The following HP1BP3 variants were observed in gnomAD, a reference collection of about 807,000 sequenced individuals.
The protein encoded by HP1BP3 is heterochromatin protein 1 binding protein 3.
A neutral mutation model predicts 62.5 loss-of-function variants in HP1BP3; 12 were observed. That is an observed-to-expected ratio of 0.19 (90% CI 0.12 to 0.31). HP1BP3 has a LOEUF of 0.31. HP1BP3 is among the 10% of genes least tolerant of loss of function. The pLI, the probability that HP1BP3 is intolerant of heterozygous loss-of-function variation, is 1.00. For missense variants in HP1BP3, 502 were observed against 651.8 expected, an observed-to-expected ratio of 0.77 and a Z score of 2.50; for synonymous variants, 260 against 237.8, an observed-to-expected ratio of 1.09 and a Z score of -0.86.
At chr1:20,779,731 T>A in intron 3 of HP1BP3, 81 bp downstream of exon 3, 7 of 751,522 alleles carry the variant, frequency 9.3e-6, no homozygotes, top group East Asian at 3.2e-5. Context: ...AAAAAACAAT[T>A]AAGTTCAAAG....
At chr1:20,761,546 AT>A (rs2056483219) in intron 8 of HP1BP3, among the ~76,000 whole-genome samples, 1 of 178 alleles carries the variant, frequency 5.6e-3, no homozygotes, top group Non-Finnish European at 0.12. Flanking sequence ...GGATCATTAA[AT>A]GTTTTCAACA....
intron 9 of HP1BP3, chr1:20,750,322 AACACACAC>A (rs67464129): frequency 0.037 from 5,197 of 138,854 alleles, 156 homozygotes; most frequent in East Asian, 0.066. Context: ...CTCTACTAAA[AACACACAC>A]ACACACACAC....
At chr1:20,769,144 C>T (rs912138500) in intron 6 of HP1BP3, among the ~76,000 whole-genome samples, 2 of 152,168 alleles carry the variant, frequency 1.3e-5, no homozygotes, top group Non-Finnish European at 2.9e-5. Flanking sequence ...TGCTGGAGTG[C>T]AGTGGCACAA....
rs1432073051 is a variant in HP1BP3 at position 20,779,939 on chromosome 1, C to T, written c.97-28G>A. ...AAGAAAAGAGATGGCCATAATCAAA[C>T]ATGCATTAAAAAATTCTCTTTTCTC... On this transcript the variant is annotated intron_variant, in intron 2 of 12. Coordinates refer to ENST00000438032, the MANE Select transcript of HP1BP3 (RefSeq NM_001372052.1). 3.2e-6 allele frequency: 5 copies of T among 1,558,366 alleles called. No individual in the cohort carries two copies. The African/African-American group carries it at 4.1e-5, about 13-fold the overall frequency.
At chr1:20,773,092 T>TA (rs1307681996) in intron 5 of HP1BP3, among the ~76,000 whole-genome samples, 1 of 152,196 alleles carries the variant, frequency 6.6e-6, no homozygotes, top group Non-Finnish European at 1.5e-5. Context: ...TTGCTAGCCT[T>TA]AGTTAATTCA....
intron 3 of HP1BP3, among the ~76,000 whole-genome samples, chr1:20,779,128 T>G (rs1217978546): frequency 6.6e-6 from 1 of 151,934 alleles, no homozygotes; most frequent in Non-Finnish European, 1.5e-5. Context: ...AATAATTGAT[T>G]CTAACAGCCA....
chr1:20,775,057 TTA>T (rs1313166608), intron 4 of HP1BP3: 1 of 151,932 alleles, frequency 6.6e-6, no homozygotes, highest in Non-Finnish European at 1.5e-5. Flanking sequence ...TGCTACTAGT[TTA>T]TGTGTTTACT....
chr1:20,771,125 C>T (rs2057038844), intron 5 of HP1BP3, 52 bp from the exon 6 acceptor site: 2 of 1,370,130 alleles, frequency 1.5e-6, no homozygotes, highest in African/African-American at 1.5e-5. Flanking sequence ...TAGAGCCTGA[C>T]ATATATTTTC....
rs971278703 is a variant in HP1BP3 at position 20,740,836 on chromosome 1, G to A, written c.*3961C>T. ...CATCTCAAAAAAATAATAAGTAAAA[G>A]AATATAGTTATAAAGACGGTAGAGA... On this transcript the variant is annotated 3_prime_UTR_variant, in exon 13 of 13. Coordinates refer to ENST00000438032, the MANE Select transcript of HP1BP3 (RefSeq NM_001372052.1). Among the ~76,000 whole-genome samples the A allele has an allele frequency of 6.6e-6, 1 of 152,196 alleles. No individual in the cohort carries two copies. The highest frequency in any genetic ancestry group is 2.4e-5 in the African/African-American group (1 of 41,458).
intron 8 of HP1BP3, among the ~76,000 whole-genome samples, chr1:20,758,758 G>A (rs931264474): frequency 1.6e-4 from 24 of 150,994 alleles, no homozygotes; most frequent in African/African-American, 4.9e-4. Context: ...CAACCCTTCC[G>A]CTGCTTCAGC....
intron 9 of HP1BP3, 81 bp from the exon 10 acceptor site, chr1:20,749,963 T>G: frequency 6.5e-7 from 1 of 1,534,716 alleles, no homozygotes; most frequent in South Asian, 1.3e-5. Flanking sequence ...CTGCACCAGG[T>G]GGGTCGGAGT....
intron 1 of HP1BP3, among the ~76,000 whole-genome samples, chr1:20,782,032 T>C (rs1029483819): frequency 3.9e-5 from 6 of 152,200 alleles, no homozygotes; most frequent in African/African-American, 9.6e-5. Context: ...CTTAGTAAAG[T>C]TATATTGCTA....
At chr1:20,767,940 C>G (rs3014581) in intron 6 of HP1BP3, among the ~76,000 whole-genome samples, 149,292 of 152,302 alleles carry the variant, frequency 0.98, 73,223 homozygotes, top group Middle Eastern at 1. Flanking sequence ...TGTGATACCA[C>G]GTTAAACAGT....
At chr1:20,776,044 T>G (rs1046174701) in intron 4 of HP1BP3, 1 of 1,466,402 alleles carries the variant, frequency 6.8e-7, no homozygotes, top group Non-Finnish European at 9.1e-7. Flanking sequence ...AATTAAAAAG[T>G]AACTGCCATC....
intron 8 of HP1BP3, among the ~76,000 whole-genome samples, chr1:20,761,751 G>T (rs1189042973): frequency 6.6e-6 from 1 of 152,216 alleles, no homozygotes; most frequent in African/African-American, 2.4e-5. Context: ...GTATAACCCT[G>T]AGGGCTCCTT....
intron 4 of HP1BP3, 73 bp from the exon 5 acceptor site, chr1:20,773,683 G>T: frequency 2.0e-6 from 2 of 1,015,146 alleles, no homozygotes; most frequent in Non-Finnish European, 2.7e-6. Context: ...AGGAGGAAAA[G>T]ACCAGGGAGG....
In HP1BP3 at chr1:20,757,247, C is replaced by T. The variant is rs2056168788; in HGVS notation, c.900G>A (p.Leu300=). Residue 300 remains leucine (L), a synonymous_variant, in exon 9 of 13, where the codon CTG becomes CTA. Transcript: ENST00000438032. ...CTGCTCTCTGCAGAGCGTTCTTCAA[C>T]AGCTGAGGCCTGCAAAGAAAAACAA... ...PKLRVDIRPQ[L]LKNALQRAVE... 1 of 1,591,386 alleles carries T rather than the reference C, an allele frequency of 6.3e-7. No individual in the cohort carries two copies. The highest frequency in any genetic ancestry group is 8.5e-7 in the Non-Finnish European group (1 of 1,172,768).
chr1:20,762,950 G>A (rs561863470), intron 8 of HP1BP3, among the ~76,000 whole-genome samples: 109 of 152,298 alleles, frequency 7.2e-4, no homozygotes, highest in Non-Finnish European at 1.3e-3. Context: ...AGTGTTGCAG[G>A]TGGGGCCTAG....
intron 7 of HP1BP3, among the ~76,000 whole-genome samples, chr1:20,765,939 T>G (rs1354578395): frequency 2.1e-5 from 3 of 139,918 alleles, no homozygotes; most frequent in African/African-American, 8.1e-5. Context: ...CACTCCAGCC[T>G]GGGTGACAGA....
Sources: gnomAD v4.1 joint callset for allele counts (sites outside exome capture counted in the v4.1 genomes callset) on GRCh38, gnomAD v4.1.1 for gene constraint, MANE v1.5 for transcripts, NCBI Gene and HGNC (gene_info 2026-07-23, HGNC 2026-07-21) for gene names.